The following ROBO2 variants were observed in gnomAD, a reference collection of about 807,000 sequenced individuals.
ROBO2 encodes roundabout guidance receptor 2.
Under a neutral mutation model 160.8 loss-of-function variants are expected in ROBO2, and 53 were observed. The ratio of observed to expected loss-of-function variants is 0.33; its 90% CI spans 0.26 to 0.41. ROBO2 has a LOEUF of 0.41. ROBO2 is among the 10% of genes least tolerant of loss of function. ROBO2 has a pLI of 1.00. For missense variants in ROBO2, 1,577 were observed against 1,722.4 expected (o/e 0.92, Z 1.49); for synonymous variants, 664 against 611.7 (o/e 1.09, Z -1.26).
intron 2 of ROBO2, among the ~76,000 whole-genome samples, chr3:76,991,793 A>G (rs2060678855): frequency 6.6e-6 from 1 of 152,166 alleles, no homozygotes. Flanking sequence ...AAAGGCTTCA[A>G]CTATCAGAGA....
chr3:76,688,016 A>T (rs2092720094), intron 2 of ROBO2, among the ~76,000 whole-genome samples: 1 of 152,116 alleles, frequency 6.6e-6, no homozygotes, highest in African/African-American at 2.4e-5. Flanking sequence ...TAAAGTATTC[A>T]AATTATATTT....
intron 2 of ROBO2, among the ~76,000 whole-genome samples, chr3:76,753,417 T>C (rs2060789022): frequency 6.6e-6 from 1 of 151,888 alleles, no homozygotes; most frequent in African/African-American, 2.4e-5. Flanking sequence ...GATTCAATAA[T>C]GTATGAATCC....
At chr3:76,880,171 T>C (rs2073189274) in intron 2 of ROBO2, among the ~76,000 whole-genome samples, 1 of 152,142 alleles carries the variant, frequency 6.6e-6, no homozygotes, top group Non-Finnish European at 1.5e-5. Context: ...GTCTCCCTTT[T>C]TCCCGGTTTA....
At chr3:77,281,051 C>A (rs371813919) in intron 2 of ROBO2, among the ~76,000 whole-genome samples, 7 of 152,092 alleles carry the variant, frequency 4.6e-5, no homozygotes, top group African/African-American at 1.7e-4. Flanking sequence ...CTGAGGACAT[C>A]AAGTGGAATA....
intron 2 of ROBO2, among the ~76,000 whole-genome samples, chr3:76,335,733 C>T (rs1186253296): frequency 2.6e-5 from 4 of 152,046 alleles, no homozygotes; most frequent in South Asian, 2.1e-4. Flanking sequence ...GCCGCCACCA[C>T]GCCCAGCTAA....
At chr3:76,313,741 G>A (rs531528411) in intron 2 of ROBO2, among the ~76,000 whole-genome samples, 11 of 152,074 alleles carry the variant, frequency 7.2e-5, no homozygotes, top group African/African-American at 1.7e-4. Context: ...GTTTTCTTCC[G>A]AGTTATTTTT....
At chr3:76,605,932 CATT>C (rs1442938376) in intron 2 of ROBO2, among the ~76,000 whole-genome samples, 2 of 152,172 alleles carry the variant, frequency 1.3e-5, no homozygotes, top group East Asian at 1.9e-4. Flanking sequence ...TAAATAACAT[CATT>C]GTCTTTCAAG....
chr3:76,616,595 C>A (rs1449405862), intron 2 of ROBO2, among the ~76,000 whole-genome samples: 3 of 152,118 alleles, frequency 2.0e-5, no homozygotes, highest in Non-Finnish European at 4.4e-5. Context: ...AAAGCAAAGG[C>A]AACTAATTAG....
intron 2 of ROBO2, among the ~76,000 whole-genome samples, chr3:77,260,853 G>A (rs2058730208): frequency 6.6e-6 from 1 of 152,152 alleles, no homozygotes; most frequent in Admixed American, 6.5e-5. Context: ...TTCTGCCCCA[G>A]TGGGTAACCT....
intron 2 of ROBO2, among the ~76,000 whole-genome samples, chr3:77,230,809 G>A (rs754163905): frequency 6.6e-6 from 1 of 152,106 alleles, no homozygotes; most frequent in Non-Finnish European, 1.5e-5. Flanking sequence ...AACAAGATCC[G>A]GGTTTTCCTA....
At chr3:77,226,214 C>CA in intron 2 of ROBO2, among the ~76,000 whole-genome samples, 1 of 151,338 alleles carries the variant, frequency 6.6e-6, no homozygotes, top group African/African-American at 2.4e-5. Flanking sequence ...TCTTAGAAAA[C>CA]AAACAAAATT....
intron 2 of ROBO2, among the ~76,000 whole-genome samples, chr3:76,983,144 G>A (rs1373986783): frequency 6.6e-6 from 1 of 152,056 alleles, no homozygotes; most frequent in Non-Finnish European, 1.5e-5. Context: ...AATTAGCCGG[G>A]CGTGGTGGCT....
chr3:77,404,999 C>T (rs950118953), intron 2 of ROBO2, among the ~76,000 whole-genome samples: 50 of 152,204 alleles, frequency 3.3e-4, no homozygotes, highest in African/African-American at 1.1e-3. Flanking sequence ...CATGCACTTC[C>T]CTGAAAGCAA....
At chr3:76,231,361 G>A (rs561028175) in intron 2 of ROBO2, among the ~76,000 whole-genome samples, 6 of 152,138 alleles carry the variant, frequency 3.9e-5, no homozygotes, top group African/African-American at 9.6e-5. Flanking sequence ...ACTGCTCTGC[G>A]GTTTTATGTC....
At chr3:77,434,429 A>G (rs1243903646) in intron 2 of ROBO2, among the ~76,000 whole-genome samples, 1 of 152,174 alleles carries the variant, frequency 6.6e-6, no homozygotes, top group East Asian at 1.9e-4. Context: ...CAAGAGCTGT[A>G]TAGTTCTGTT....
intron 2 of ROBO2, among the ~76,000 whole-genome samples, chr3:77,277,394 C>G (rs1178375385): frequency 2.0e-5 from 3 of 151,866 alleles, no homozygotes; most frequent in Non-Finnish European, 4.4e-5. Flanking sequence ...CAGATCCACC[C>G]ATCACCTAGG....
At chr3:77,045,641 A>G (rs559254399) in intron 1 of ROBO2, among the ~76,000 whole-genome samples, 25 of 152,136 alleles carry the variant, frequency 1.6e-4, no homozygotes, top group Non-Finnish European at 3.4e-4. Context: ...ATGACCCCCA[A>G]TGAGGAACCA....
intron 2 of ROBO2, among the ~76,000 whole-genome samples, chr3:76,990,619 T>C (rs1217576757): frequency 6.6e-6 from 1 of 152,096 alleles, no homozygotes; most frequent in African/African-American, 2.4e-5. Flanking sequence ...TTAGGGACCA[T>C]CAGGTGATGG....
At chr3:76,103,524 G>C (rs752688358) in intron 2 of ROBO2, among the ~76,000 whole-genome samples, 2 of 152,118 alleles carry the variant, frequency 1.3e-5, no homozygotes, top group Non-Finnish European at 1.5e-5. Flanking sequence ...ATTATTCTTC[G>C]TAATGCTCAG....
Sources: allele counts gnomAD v4.1 joint callset (sites outside exome capture counted in the v4.1 genomes callset), GRCh38; gene constraint gnomAD v4.1.1; transcripts MANE v1.5; gene names NCBI Gene and HGNC (gene_info 2026-07-23, HGNC 2026-07-21).